Variants in NR2C1 observed in about 807,000 individuals in gnomAD.
NR2C1 encodes nuclear receptor subfamily 2 group C member 1, also known as TR2 nuclear hormone receptor.
Under a neutral mutation model 74.8 loss-of-function variants are expected in NR2C1, and 33 were observed. That is an observed-to-expected ratio of 0.44 (90% CI 0.33 to 0.59). NR2C1 has a LOEUF of 0.59. NR2C1 is among the 20% of genes least tolerant of loss of function. NR2C1 has a pLI of 0.02. For missense variants in NR2C1, 568 were observed against 715.6 expected (o/e 0.79, Z 2.35); for synonymous variants, 225 against 240.6 (o/e 0.94, Z 0.60).
At chr12:95,037,704 G>A (rs1314989848) in intron 10 of NR2C1, among the ~76,000 whole-genome samples, 1 of 152,026 alleles carries the variant, frequency 6.6e-6, no homozygotes, top group African/African-American at 2.4e-5. Context: ...GATCGGCCTG[G>A]CTAACACGAT....
chr12:95,053,121 A>G (rs1873276115), intron 7 of NR2C1, among the ~76,000 whole-genome samples: 1 of 151,798 alleles, frequency 6.6e-6, no homozygotes, highest in Admixed American at 6.6e-5. Context: ...CTACGGGCGC[A>G]TACCACCATG....
intron 7 of NR2C1, 64 bp from the exon 8 acceptor site, chr12:95,052,007 T>C: frequency 9.2e-7 from 1 of 1,089,180 alleles, no homozygotes; most frequent in African/African-American, 1.6e-5. Flanking sequence ...ATCTGAAATA[T>C]CCAATTATAG....
chr12:95,055,712 G>A (rs1332682927), intron 7 of NR2C1, among the ~76,000 whole-genome samples: 1 of 152,138 alleles, frequency 6.6e-6, no homozygotes, highest in Non-Finnish European at 1.5e-5. Context: ...CCAGCACTCT[G>A]GGAGGCTGAG....
At position 95,028,383 on chromosome 12, in the gene NR2C1, A is replaced by G. The variant is rs192771770; in HGVS notation, c.1531+4T>C. ...TTTTGAATAAAAAGTAAATGTTTAT[A>G]TACCTGGACTGAAGAGTACTATTGC... On this transcript the variant is annotated splice_donor_region_variant and intron_variant, in intron 12 of 13. Transcript: ENST00000333003. 5.0e-6 allele frequency: 8 copies of G among 1,605,556 alleles called. No individual in the cohort carries two copies. Among genetic ancestry groups the G allele is most frequent in the East Asian group, 4.5e-5 (2 of 44,662 alleles).
Position 95,040,633 on chromosome 12 carries a change from G to T in NR2C1, c.1132-36C>A. The T allele has an allele frequency of 1.9e-6, 3 of 1,552,392 alleles. No individual in the cohort carries two copies. The South Asian group carries it at 3.6e-5, about 19-fold the overall frequency. The stretch of plus-strand genomic sequence containing the variant: ...CAGGGATTTAGGTAAATTATCTTAT[G>T]ACTGAAAAGTTCTAAATTATCATTT... On this transcript the variant is annotated intron_variant, in intron 9 of 13. Coordinates refer to ENST00000333003, the MANE Select transcript of NR2C1 (RefSeq NM_003297.4).
chr12:95,039,076 A>T (rs1592741805), intron 10 of NR2C1, among the ~76,000 whole-genome samples: 2 of 152,314 alleles, frequency 1.3e-5, no homozygotes, highest in African/African-American at 2.4e-5. Context: ...TCTTAAACAA[A>T]AAAAACCCCA....
At chr12:95,056,822 G>A (rs1029578985) in intron 7 of NR2C1, among the ~76,000 whole-genome samples, 14 of 152,030 alleles carry the variant, frequency 9.2e-5, no homozygotes, top group African/African-American at 2.7e-4. Context: ...AGCTGGGTGT[G>A]GTGGCAGGTG....
At chr12:95,029,849 GCCCAACACCC>G (rs1460944377) in intron 11 of NR2C1, among the ~76,000 whole-genome samples, 3 of 151,918 alleles carry the variant, frequency 2.0e-5, no homozygotes, top group African/African-American at 7.3e-5. Flanking sequence ...GAGCTACCGC[GCCCAACACCC>G]CCCTCCCCAC....
chr12:95,049,146 G>A lies in NR2C1; in HGVS notation c.1053C>T (p.His351=), dbSNP rs766324905. ...SSVAGMEGSV[H]LITGDSSINY... ...TTATGCTTGAATCTCCAGTGATTAG[G>A]TGTACACTTCCTTCCATGCCCGCTA... is the stretch of plus-strand genomic sequence containing the variant. Residue 351 remains histidine, a synonymous_variant, in exon 9 of 14, where the codon CAC becomes CAT. Transcript: ENST00000333003. The A allele has an allele frequency of 5.0e-6, 8 of 1,613,892 alleles. No homozygotes were observed. Among genetic ancestry groups the A allele is most frequent in the Non-Finnish European group, 5.9e-6 (7 of 1,179,850 alleles).
At chr12:95,054,105 C>T (rs1873476568) in intron 7 of NR2C1, among the ~76,000 whole-genome samples, 1 of 152,102 alleles carries the variant, frequency 6.6e-6, no homozygotes, top group East Asian at 1.9e-4. Context: ...GTGCCTTCTC[C>T]AAATTAATCA....
At chr12:95,060,026 C>G in intron 3 of NR2C1, 42 bp from the exon 4 acceptor site, 1 of 1,437,030 alleles carries the variant, frequency 7.0e-7, no homozygotes, top group East Asian at 2.4e-5. Context: ...AAACGAAAAC[C>G]TGTTGTTACT....
intron 1 of NR2C1, chr12:95,072,733 A>T (rs1325642563): frequency 6.6e-6 from 1 of 152,294 alleles, no homozygotes; most frequent in Non-Finnish European, 1.5e-5. Flanking sequence ...AGAGCTATCT[A>T]TCGGAAGCTT....
In NR2C1 at chr12:95,021,988, C is replaced by T; in HGVS notation, c.*241G>A. 1 of 312,552 alleles carries T rather than the reference C, an allele frequency of 3.2e-6. No individual in the cohort carries two copies. The highest frequency in any genetic ancestry group is 5.8e-6 in the Non-Finnish European group (1 of 172,824). The allele number at this position is 312,552 out of a possible 1,614,324, so 19.4% of individuals were successfully genotyped here. On this transcript the variant is annotated 3_prime_UTR_variant, in exon 14 of 14. Transcript: ENST00000333003. The stretch of plus-strand genomic sequence containing the variant: ...TGACAGCTTCAGGTATCATCTTCAC[C>T]AAGAATAAATTTGTAGTGTTTCATA...
At chr12:95,064,571 GAAGA>G (rs1406985567) in intron 2 of NR2C1, among the ~76,000 whole-genome samples, 4 of 152,140 alleles carry the variant, frequency 2.6e-5, no homozygotes, top group Admixed American at 2.6e-4. Flanking sequence ...AGGGGAATAT[GAAGA>G]AAGAAGAGTC....
At chr12:95,054,441 G>A (rs930224952) in intron 7 of NR2C1, among the ~76,000 whole-genome samples, 2 of 152,094 alleles carry the variant, frequency 1.3e-5, no homozygotes, top group South Asian at 2.1e-4. Flanking sequence ...CAAACAGCTG[G>A]GACTACAGGC....
chr12:95,062,647 T>C lies in NR2C1; in HGVS notation c.146A>G (p.His49Arg), dbSNP rs751973594. Residue 49 changes from histidine (H) to arginine (R), a missense_variant, in exon 3 of 14, where the codon CAC (histidine) becomes CGC (arginine). Around this residue, in one of 6 missense-constraint regions of NR2C1, gnomAD observed 128 missense variants for 118.9 expected, o/e 1.08. Transcript: ENST00000333003. ...TQGKQFILTN[H>R]DGSTPSKVIL... ...GACTTTGCTTGGAGTAGAGCCGTCG[T>C]GATTTGTCAGAATGAACTGCTTGCC... 7.4e-6 allele frequency: 12 copies of C among 1,614,032 alleles called. 1 individual carries two copies. The Middle Eastern group carries it at 6.6e-4, about 88-fold the overall frequency.
intron 3 of NR2C1, 29 bp from the exon 4 acceptor site, chr12:95,060,013 C>CA: frequency 1.5e-6 from 2 of 1,299,716 alleles, no homozygotes; most frequent in Non-Finnish European, 2.0e-6. Context: ...AAAAAGAAAA[C>CA]AAAAACGAAA....
In NR2C1 at chr12:95,021,898, A is replaced by G. The variant is rs1868814255; in HGVS notation, c.*331T>C. On this transcript the variant is annotated 3_prime_UTR_variant, in exon 14 of 14. Transcript: ENST00000333003. The stretch of plus-strand genomic sequence containing the variant: ...TAAATATGACTAGAACACAATTCAG[A>G]AAAAAGAGACTAATTTATTTGTTTT... The G allele has an allele frequency of 6.0e-6, 1 of 166,972 alleles. No homozygotes were observed. 10.3% of individuals were successfully genotyped at this position (166,972 alleles called of 1,614,324 possible). A position where few individuals can be genotyped will look rare whatever the true frequency, so the allele number is the denominator to read the frequency against.
chr12:95,038,761 T>C (rs1871162926), intron 10 of NR2C1, among the ~76,000 whole-genome samples: 1 of 152,148 alleles, frequency 6.6e-6, no homozygotes, highest in Non-Finnish European at 1.5e-5. Flanking sequence ...TTTTGGTCGA[T>C]AATAGACTAA....
Sources: allele counts gnomAD v4.1 joint callset (sites outside exome capture counted in the v4.1 genomes callset), GRCh38; gene constraint gnomAD v4.1.1; regional missense constraint gnomAD v4.1.1; transcripts MANE v1.5; gene names NCBI Gene and HGNC (gene_info 2026-07-23, HGNC 2026-07-21).